Variants in RAB38 observed in about 807,000 individuals in gnomAD.
RAB38 encodes the protein ras-related protein Rab-38.
In RAB38, 15 loss-of-function variants were observed where a neutral mutation model predicts 18.4. The ratio of observed to expected loss-of-function variants is 0.82; its 90% CI spans 0.55 to 1.26. RAB38 has a LOEUF of 1.26. Among genes scored for constraint, RAB38 ranks in the 50% most tolerant of loss-of-function variants. The pLI is 0.00. For missense variants in RAB38, 294 were observed against 267.4 expected (o/e 1.10, Z -0.69); for synonymous variants, 101 against 104.4 (o/e 0.97, Z 0.20).
At chr11:88,029,731 A>G in the RAB38 span, among the ~76,000 whole-genome samples, 4 of 152,066 alleles carry the variant, frequency 2.6e-5, no homozygotes, top group African/African-American at 9.7e-5. Context: ...TTCATAAAGC[A>G]AGTCCTGAGT....
chr11:87,829,814 A>G, the RAB38 span, among the ~76,000 whole-genome samples: 1 of 152,184 alleles, frequency 6.6e-6, no homozygotes, highest in African/African-American at 2.4e-5. Flanking sequence ...GACAGAGGTG[A>G]TATTATCTCT....
the RAB38 span, among the ~76,000 whole-genome samples, chr11:87,938,621 T>TTTG: frequency 2.9e-5 from 4 of 140,060 alleles, no homozygotes; most frequent in Non-Finnish European, 1.5e-5. Flanking sequence ...TCTTTTCCGT[T>TTTG]TTTTTTTTTT....
At chr11:88,145,205 A>G (rs1591168462) in intron 2 of RAB38, among the ~76,000 whole-genome samples, 1 of 151,720 alleles carries the variant, frequency 6.6e-6, no homozygotes. Flanking sequence ...GCTGGTGAGC[A>G]ATGGCGCGAT....
At chr11:88,004,484 A>G in the RAB38 span, among the ~76,000 whole-genome samples, 2 of 151,284 alleles carry the variant, frequency 1.3e-5, no homozygotes, top group Non-Finnish European at 3.0e-5. Flanking sequence ...TCAATATCAT[A>G]AAGGACAACT....
chr11:87,818,894 G>A, the RAB38 span, among the ~76,000 whole-genome samples: 1 of 152,050 alleles, frequency 6.6e-6, no homozygotes, highest in Non-Finnish European at 1.5e-5. Context: ...TTCTCAATTT[G>A]TGATTTACCA....
At chr11:87,885,380 G>A in the RAB38 span, among the ~76,000 whole-genome samples, 1 of 149,950 alleles carries the variant, frequency 6.7e-6, no homozygotes, top group Admixed American at 6.6e-5. Flanking sequence ...GGGTGTGTCA[G>A]GTGTGATCCT....
At chr11:88,089,178 G>C in the RAB38 span, among the ~76,000 whole-genome samples, 1 of 151,720 alleles carries the variant, frequency 6.6e-6, no homozygotes, top group Non-Finnish European at 1.5e-5. Context: ...TGGCATGTCA[G>C]GGGCTCTCAT....
At chr11:87,965,181 A>G in the RAB38 span, among the ~76,000 whole-genome samples, 47 of 152,206 alleles carry the variant, frequency 3.1e-4, no homozygotes, top group Admixed American at 2.9e-3. Flanking sequence ...GTTGAGAACC[A>G]CTGTACCAGA....
At chr11:87,865,531 C>T in the RAB38 span, among the ~76,000 whole-genome samples, 5 of 151,618 alleles carry the variant, frequency 3.3e-5, no homozygotes, top group East Asian at 1.9e-4. Context: ...GGAACCCAGA[C>T]GCTTAATTTT....
rs527662880 is a variant in RAB38 at position 88,124,715 on chromosome 11, T to G, written c.484-10575A>C. 2.0e-5 allele frequency among the ~76,000 whole-genome samples: 3 copies of G among 152,334 alleles called. No individual in the cohort carries two copies. The South Asian group carries it at 6.2e-4, about 32-fold the overall frequency. ...ACTTAGAATATGTTATATAATTTTCTACTTTCAGATATGGAATAAAACATT... is the reference window on the plus strand; with the variant it reads ...ACTTAGAATATGTTATATAATTTTCGACTTTCAGATATGGAATAAAACATT... On this transcript the variant is annotated intron_variant, in intron 2 of 2. Coordinates refer to ENST00000243662, the MANE Select transcript of RAB38 (RefSeq NM_022337.3).
chr11:87,878,843 T>C, the RAB38 span, among the ~76,000 whole-genome samples: 16 of 151,880 alleles, frequency 1.1e-4, no homozygotes, highest in South Asian at 3.3e-3. Flanking sequence ...GGCTCAAGGA[T>C]GGAATTTTTA....
chr11:87,952,999 TA>T, the RAB38 span, among the ~76,000 whole-genome samples: 1 of 152,192 alleles, frequency 6.6e-6, no homozygotes, highest in East Asian at 1.9e-4. Flanking sequence ...TTTAAAACAT[TA>T]AAATTAAAAT....
chr11:87,969,333 C>T, the RAB38 span, among the ~76,000 whole-genome samples: 1 of 152,052 alleles, frequency 6.6e-6, no homozygotes, highest in Non-Finnish European at 1.5e-5. Flanking sequence ...ATGAAAACTT[C>T]CATATCCAAA....
the RAB38 span, among the ~76,000 whole-genome samples, chr11:88,095,237 C>G: frequency 1.3e-5 from 2 of 151,950 alleles, no homozygotes; most frequent in Non-Finnish European, 2.9e-5. Flanking sequence ...CCATTCCTGA[C>G]ATAATCCCAT....
At chr11:87,884,334 G>GATA in the RAB38 span, among the ~76,000 whole-genome samples, 2 of 151,970 alleles carry the variant, frequency 1.3e-5, no homozygotes, top group Non-Finnish European at 2.9e-5. Context: ...TGGGGAGGAA[G>GATA]ATAATAGTTA....
the RAB38 span, among the ~76,000 whole-genome samples, chr11:88,096,519 G>A: frequency 3.3e-5 from 5 of 151,736 alleles, no homozygotes; most frequent in African/African-American, 1.2e-4. Context: ...ATTTGTAGAT[G>A]GTCACGTAGA....
At chr11:88,026,925 T>G in the RAB38 span, among the ~76,000 whole-genome samples, 1 of 152,162 alleles carries the variant, frequency 6.6e-6, no homozygotes, top group African/African-American at 2.4e-5. Context: ...TTGTGAGACA[T>G]TTTACATAAT....
chr11:87,976,027 C>G, the RAB38 span, among the ~76,000 whole-genome samples: 2 of 150,766 alleles, frequency 1.3e-5, no homozygotes, highest in Non-Finnish European at 3.0e-5. Context: ...ACATAAGACT[C>G]CAAATAACGC....
chr11:88,026,626 CCTCAGCCT>C, the RAB38 span, among the ~76,000 whole-genome samples: 1 of 151,188 alleles, frequency 6.6e-6, no homozygotes, highest in East Asian at 1.9e-4. Context: ...GATCCGCCCG[CCTCAGCCT>C]CCCAAAGTGC....
Sources: gnomAD v4.1 joint callset for allele counts (sites outside exome capture counted in the v4.1 genomes callset) on GRCh38, gnomAD v4.1.1 for gene constraint, MANE v1.5 for transcripts, NCBI Gene and HGNC (gene_info 2026-07-23, HGNC 2026-07-21) for gene names.